The following MECOM variants were observed in gnomAD, a reference collection of about 807,000 sequenced individuals.
The protein encoded by MECOM is MDS1 and EVI1 complex locus, also known as histone-lysine N-methyltransferase MECOM.
In MECOM, 13 loss-of-function variants were observed where a neutral mutation model predicts 116.3. The ratio of observed to expected loss-of-function variants is 0.11; its 90% CI spans 0.07 to 0.18. The LOEUF (loss-of-function observed/expected upper bound fraction) is 0.18. Among genes scored for constraint, MECOM ranks in the 10% least tolerant of loss-of-function variants. The pLI is 1.00. For synonymous variants in MECOM, 528 were observed against 535.2 expected, an observed-to-expected ratio of 0.99 and a Z score of 0.19; for missense variants, 1,299 against 1,509.0, an observed-to-expected ratio of 0.86 and a Z score of 2.31.
At chr3:169,414,770 A>AT (rs1738242248) in intron 1 of MECOM, among the ~76,000 whole-genome samples, 2 of 152,204 alleles carry the variant, frequency 1.3e-5, no homozygotes, top group Non-Finnish European at 2.9e-5. Context: ...AATCAAGTGG[A>AT]AGAAAGGGTA....
At chr3:169,498,232 C>T (rs1219309303) in intron 1 of MECOM, among the ~76,000 whole-genome samples, 1 of 152,036 alleles carries the variant, frequency 6.6e-6, no homozygotes, top group African/African-American at 2.4e-5. Context: ...AACATGTTTA[C>T]CTGTGTGAAA....
At chr3:169,121,622 C>A (rs1472128303) in intron 6 of MECOM, among the ~76,000 whole-genome samples, 1 of 152,052 alleles carries the variant, frequency 6.6e-6, no homozygotes, top group African/African-American at 2.4e-5. Flanking sequence ...TACATTAAAT[C>A]TATTTAAAGA....
chr3:169,494,124 C>T (rs924980023), intron 1 of MECOM, among the ~76,000 whole-genome samples: 1 of 151,800 alleles, frequency 6.6e-6, no homozygotes, highest in African/African-American at 2.4e-5. Context: ...ACCATTTCAC[C>T]GTCTTCTCTG....
chr3:169,187,980 A>G (rs1308099535), intron 2 of MECOM, among the ~76,000 whole-genome samples: 1 of 152,052 alleles, frequency 6.6e-6, no homozygotes, highest in Non-Finnish European at 1.5e-5. Flanking sequence ...TCTAGTTACC[A>G]ACTTATTTTT....
At chr3:169,565,388 C>T (rs778894751) in intron 1 of MECOM, among the ~76,000 whole-genome samples, 28 of 152,136 alleles carry the variant, frequency 1.8e-4, no homozygotes, top group African/African-American at 5.3e-4. Context: ...TAACTTCACC[C>T]GGGCTTTCCT....
chr3:169,235,725 C>T (rs898682921), intron 2 of MECOM, among the ~76,000 whole-genome samples: 1 of 151,964 alleles, frequency 6.6e-6, no homozygotes, highest in African/African-American at 2.4e-5. Context: ...ATTTTCTTCG[C>T]ACACACAAAA....
At chr3:169,398,631 T>C (rs1735381225) in intron 1 of MECOM, among the ~76,000 whole-genome samples, 1 of 152,152 alleles carries the variant, frequency 6.6e-6, no homozygotes, top group African/African-American at 2.4e-5. Flanking sequence ...GGCTTCCCTG[T>C]GTTGTTTTCT....
chr3:169,424,398 T>C (rs912896208), intron 1 of MECOM, among the ~76,000 whole-genome samples: 1 of 152,124 alleles, frequency 6.6e-6, no homozygotes, highest in Non-Finnish European at 1.5e-5. Context: ...CTGATCTGAT[T>C]GGCAGTGCAT....
chr3:169,210,883 C>T (rs1242695567), intron 2 of MECOM, among the ~76,000 whole-genome samples: 1 of 152,076 alleles, frequency 6.6e-6, no homozygotes, highest in Non-Finnish European at 1.5e-5. Flanking sequence ...AATTAGAGAG[C>T]CTGGATTCTT....
intron 1 of MECOM, among the ~76,000 whole-genome samples, chr3:169,597,069 C>A (rs1767231510): frequency 6.6e-6 from 1 of 152,112 alleles, no homozygotes; most frequent in Non-Finnish European, 1.5e-5. Context: ...TCTCACTGAA[C>A]TTCAGCCTGA....
rs564906733 is a variant in MECOM at position 169,243,798 on chromosome 3, T to A, written c.376-99966A>T. Among the ~76,000 whole-genome samples, 30 of 152,280 alleles carry A rather than the reference T, an allele frequency of 2.0e-4. No homozygotes were observed. The South Asian group carries it at 6.0e-3, about 31-fold the overall frequency. On this transcript the variant is annotated intron_variant, in intron 2 of 16. Coordinates refer to ENST00000651503, the MANE Select transcript of MECOM (RefSeq NM_004991.4). ...ACATGGCTACCTGTTACTCCGGAGT[T>A]TACTTAAACTCATGAGGGTAAAAAC...
At chr3:169,613,676 G>A (rs1358114670) in intron 1 of MECOM, 1 of 152,186 alleles carries the variant, frequency 6.6e-6, no homozygotes, top group African/African-American at 2.4e-5. Context: ...TGACTTCAAG[G>A]AGAATGTGGC....
chr3:169,195,055 T>C (rs1028347212), intron 2 of MECOM, among the ~76,000 whole-genome samples: 3 of 152,072 alleles, frequency 2.0e-5, no homozygotes, highest in African/African-American at 7.2e-5. Context: ...AGTTTCCACA[T>C]CTACATAATA....
intron 1 of MECOM, among the ~76,000 whole-genome samples, chr3:169,396,687 A>G (rs967457681): frequency 2.0e-5 from 3 of 152,160 alleles, no homozygotes; most frequent in Admixed American, 6.5e-5. Flanking sequence ...AAGAATTAGA[A>G]TAGCAAGGCA....
At chr3:169,455,360 C>A (rs1271922946) in intron 1 of MECOM, among the ~76,000 whole-genome samples, 2 of 152,184 alleles carry the variant, frequency 1.3e-5, no homozygotes, top group Admixed American at 6.5e-5. Context: ...TGTATCTCCG[C>A]GTTTATACTG....
intron 2 of MECOM, among the ~76,000 whole-genome samples, chr3:169,254,189 T>A (rs559252166): frequency 2.6e-5 from 4 of 152,094 alleles, no homozygotes; most frequent in Non-Finnish European, 5.9e-5. Context: ...GAAGATGTCA[T>A]TGGGAAGCAA....
chr3:169,189,705 A>G (rs921868348), intron 2 of MECOM, among the ~76,000 whole-genome samples: 1 of 152,070 alleles, frequency 6.6e-6, no homozygotes, highest in Admixed American at 6.6e-5. Flanking sequence ...AAGAGTATGT[A>G]CACAAACTGG....
intron 2 of MECOM, among the ~76,000 whole-genome samples, chr3:169,174,649 G>A (rs530384852): frequency 8.5e-5 from 13 of 152,186 alleles, no homozygotes; most frequent in African/African-American, 2.9e-4. Flanking sequence ...ATGATTTCTT[G>A]CACACTCTAA....
At chr3:169,134,445 T>G (rs1466501116) in intron 3 of MECOM, among the ~76,000 whole-genome samples, 2 of 152,218 alleles carry the variant, frequency 1.3e-5, no homozygotes, top group Non-Finnish European at 2.9e-5. Flanking sequence ...AAGTGGATTT[T>G]AACTTCAGGG....
Sources: allele counts gnomAD v4.1 joint callset (sites outside exome capture counted in the v4.1 genomes callset), GRCh38; gene constraint gnomAD v4.1.1; transcripts MANE v1.5; gene names NCBI Gene and HGNC (gene_info 2026-07-23, HGNC 2026-07-21).